ADGRL4: variants seen among roughly 807,000 people sequenced by gnomAD.
ADGRL4 encodes the protein EGF, latrophilin and seven transmembrane domain containing 1.
A neutral mutation model predicts 74.8 loss-of-function variants in ADGRL4; 90 were observed. The ratio of observed to expected loss-of-function variants is 1.20; its 90% CI spans 1.02 to 1.43. The LOEUF is 1.43. Among genes scored for constraint, ADGRL4 ranks in the 40% most tolerant of loss-of-function variants. The pLI is 0.00. For synonymous variants in ADGRL4, 311 were observed against 279.2 expected (o/e 1.11, Z -1.14); for missense variants, 881 against 814.3 (o/e 1.08, Z -1.00).
At chr1:78,960,985 C>T (rs1158620446) in intron 2 of ADGRL4, among the ~76,000 whole-genome samples, 1 of 152,110 alleles carries the variant, frequency 6.6e-6, no homozygotes, top group Non-Finnish European at 1.5e-5. Context: ...ATTTTATGCA[C>T]CCATATTTAT....
intron 2 of ADGRL4, among the ~76,000 whole-genome samples, chr1:78,952,328 C>CTT (rs10647389): frequency 0.017 from 1,996 of 119,706 alleles, 60 homozygotes; most frequent in Admixed American, 0.043. Context: ...ACATAGAAAG[C>CTT]TTTTTTTTTT....
chr1:78,959,203 A>G (rs145030312), intron 2 of ADGRL4, among the ~76,000 whole-genome samples: 2 of 152,310 alleles, frequency 1.3e-5, no homozygotes, highest in South Asian at 2.1e-4. Flanking sequence ...AATTTACAAT[A>G]TCTCTGAGGT....
chr1:78,991,623 C>A (rs984340590), intron 2 of ADGRL4, among the ~76,000 whole-genome samples: 2 of 151,716 alleles, frequency 1.3e-5, no homozygotes, highest in Non-Finnish European at 2.9e-5. Flanking sequence ...TAAATATAAC[C>A]TTTGAAATAT....
At position 78,954,738 on chromosome 1, in the gene ADGRL4, A is replaced by C. The variant is rs565438806; in HGVS notation, c.173-8312T>G. Among the ~76,000 whole-genome samples, 12 of 152,272 alleles carry C rather than the reference A, an allele frequency of 7.9e-5. No individual in the cohort carries two copies. In the East Asian group the frequency reaches 1.9e-3, roughly 24 times the overall value. On this transcript the variant is annotated intron_variant, in intron 2 of 14. Coordinates refer to ENST00000370742, the MANE Select transcript of ADGRL4 (RefSeq NM_022159.4). ...TCACTAAAAGTTCAGTTTATTAAAA[A>C]ATTGTAGTTAGAAATATAGAACTTA...
intron 2 of ADGRL4, among the ~76,000 whole-genome samples, chr1:78,967,840 A>G (rs888187953): frequency 1.3e-5 from 2 of 150,342 alleles, no homozygotes; most frequent in Non-Finnish European, 2.9e-5. Context: ...AAAAAAAAAA[A>G]TAATAACTTA....
chr1:78,931,249 A>AAG (rs143293380), intron 7 of ADGRL4, among the ~76,000 whole-genome samples: 18,015 of 151,424 alleles, frequency 0.12, 1,362 homozygotes, highest in Middle Eastern at 0.16. Flanking sequence ...GAAACTCTGC[A>AAG]AGTCAGAAGA....
chr1:78,954,340 A>G (rs1274960891), intron 2 of ADGRL4, among the ~76,000 whole-genome samples: 2 of 152,078 alleles, frequency 1.3e-5, no homozygotes, highest in Admixed American at 1.3e-4. Flanking sequence ...TGAGAAATGT[A>G]CTGAAAATTC....
chr1:78,962,820 A>C (rs1649982025), intron 2 of ADGRL4, among the ~76,000 whole-genome samples: 1 of 152,178 alleles, frequency 6.6e-6, no homozygotes, highest in African/African-American at 2.4e-5. Context: ...ATGCACTAAT[A>C]GGATATAGTT....
At chr1:78,896,305 A>G (rs1335534313) in intron 12 of ADGRL4, among the ~76,000 whole-genome samples, 2 of 152,186 alleles carry the variant, frequency 1.3e-5, no homozygotes, top group Non-Finnish European at 2.9e-5. Context: ...GCTAAGTCCC[A>G]AGACAGGTAC....
intron 2 of ADGRL4, among the ~76,000 whole-genome samples, chr1:78,965,240 TA>T (rs1250608096): frequency 6.6e-6 from 1 of 152,114 alleles, no homozygotes; most frequent in African/African-American, 2.4e-5. Context: ...TGTGACCCAA[TA>T]AAACTAATTT....
intron 2 of ADGRL4, among the ~76,000 whole-genome samples, chr1:78,976,123 A>T (rs1158957266): frequency 1.3e-5 from 2 of 152,032 alleles, no homozygotes; most frequent in Non-Finnish European, 2.9e-5. Flanking sequence ...TAACAGTCCC[A>T]GAAGAACAAG....
intron 2 of ADGRL4, among the ~76,000 whole-genome samples, chr1:78,978,539 A>T (rs968118643): frequency 1.8e-4 from 27 of 151,636 alleles, no homozygotes. Flanking sequence ...TGTTTATATC[A>T]TCATTTTTCT....
In ADGRL4 at chr1:78,918,054, G is replaced by T; in HGVS notation, c.1462-4C>A. On this transcript the variant is annotated splice_region_variant and splice_polypyrimidine_tract_variant and intron_variant, in intron 10 of 14. Transcript: ENST00000370742. ...CGGCAATGATTGAACAGAAGAGCTAGAAATCAAAGAAAAAAAAAAAAACAT... is the reference window on the plus strand; with the variant it reads ...CGGCAATGATTGAACAGAAGAGCTATAAATCAAAGAAAAAAAAAAAAACAT... 6.8e-7 allele frequency: 1 copy of T among 1,478,714 alleles called. No individual in the cohort carries two copies. Among genetic ancestry groups the T allele is most frequent in the Non-Finnish European group, 9.1e-7 (1 of 1,100,646 alleles). The allele number at this position is 1,478,714 out of a possible 1,614,324, so 91.6% of individuals were successfully genotyped here.
chr1:78,897,454 T>A (rs528290391), intron 12 of ADGRL4, among the ~76,000 whole-genome samples: 28 of 152,244 alleles, frequency 1.8e-4, no homozygotes, highest in Non-Finnish European at 3.4e-4. Context: ...CAAGAATTCC[T>A]CTTACCCATG....
At chr1:78,991,308 T>C (rs921496410) in intron 2 of ADGRL4, among the ~76,000 whole-genome samples, 22 of 152,024 alleles carry the variant, frequency 1.4e-4, no homozygotes, top group Admixed American at 1.1e-3. Flanking sequence ...AGATAACTTA[T>C]CTGGTTAATC....
chr1:78,986,731 G>C (rs1239227041), intron 2 of ADGRL4, among the ~76,000 whole-genome samples: 15 of 151,762 alleles, frequency 9.9e-5, no homozygotes, highest in Non-Finnish European at 5.9e-5. Context: ...AATGCAAACT[G>C]TGCTTTCACT....
In ADGRL4 at chr1:78,997,622, A is replaced by G. The variant is rs556589923; in HGVS notation, c.172+7448T>C. The stretch of plus-strand genomic sequence containing the variant: ...AAAATTTTCCAGAATGTCTTTGAGC[A>G]TATAAATCAGAGTGTTTTCTTCAAC... On this transcript the variant is annotated intron_variant, in intron 2 of 14. Coordinates refer to ENST00000370742, the MANE Select transcript of ADGRL4 (RefSeq NM_022159.4). Among the ~76,000 whole-genome samples, 309 of 152,318 alleles carry G rather than the reference A, an allele frequency of 2.0e-3. 1 individual carries two copies. Among genetic ancestry groups the G allele is most frequent in the Non-Finnish European group, 4.0e-3 (271 of 68,030 alleles).
intron 7 of ADGRL4, among the ~76,000 whole-genome samples, chr1:78,930,447 A>ATT (rs750792474): frequency 5.2e-4 from 51 of 97,256 alleles, no homozygotes; most frequent in African/African-American, 8.6e-4. Context: ...GGAAAAGCTG[A>ATT]TTTTTTTTTT....
At position 78,927,084 on chromosome 1, in the gene ADGRL4, A is replaced by C. The variant is rs1226763462; in HGVS notation, c.885T>G (p.Val295=). The change falls in exon 8 of 15, where the codon GTT becomes GTG. Residue 295 remains valine, a synonymous_variant. Coordinates refer to ENST00000370742, the MANE Select transcript of ADGRL4 (RefSeq NM_022159.4). ...RKAAYDSNGN[V]AVAFVYYKSI... ...TCTTATAATATACAAATGCAACTGC[A>C]ACATTGCCTATCAATCAAATAAGTA... The C allele has an allele frequency of 1.9e-6, 3 of 1,571,976 alleles. No individual in the cohort carries two copies. The highest frequency in any genetic ancestry group is 4.5e-5 in the East Asian group (2 of 44,460).
Sources: gnomAD v4.1 joint callset for allele counts (sites outside exome capture counted in the v4.1 genomes callset) on GRCh38, gnomAD v4.1.1 for gene constraint, MANE v1.5 for transcripts, NCBI Gene and HGNC (gene_info 2026-07-23, HGNC 2026-07-21) for gene names.